The following ANKAR variants were observed in gnomAD, a reference collection of about 807,000 sequenced individuals.
The protein encoded by ANKAR is ankyrin and armadillo repeat-containing protein.
In ANKAR, 136 loss-of-function variants were observed where a neutral mutation model predicts 146.2. The observed-to-expected ratio is 0.93, with a 90% CI of 0.81 to 1.07. The LOEUF is 1.07. Ranked by LOEUF, ANKAR falls within the 50% of genes least tolerant of loss-of-function variation. The pLI, the probability that ANKAR is intolerant of heterozygous loss-of-function variation, is 0.00. For synonymous variants in ANKAR, 500 were observed against 575.8 expected, an observed-to-expected ratio of 0.87 and a Z score of 1.88; for missense variants, 1,567 against 1,679.9, an observed-to-expected ratio of 0.93 and a Z score of 1.18.
chr2:189,735,032 T>C (rs2042724608), intron 17 of ANKAR, among the ~76,000 whole-genome samples: 1 of 150,648 alleles, frequency 6.6e-6, no homozygotes, highest in Non-Finnish European at 1.5e-5. Flanking sequence ...AAAATATATA[T>C]ATATGTGGAA....
intron 18 of ANKAR, chr2:189,752,906 C>T (rs1338734284): frequency 6.2e-7 from 1 of 1,613,732 alleles, no homozygotes; most frequent in African/African-American, 1.3e-5. Context: ...CAACAAAGTG[C>T]ACTGTGTTGC....
downstream of ANKAR, chr2:189,762,587 C>G: frequency 1.0e-6 from 1 of 985,460 alleles, no homozygotes; most frequent in Non-Finnish European, 1.2e-6. Context: ...TAGCGCTGGT[C>G]TCCTGTCGGC....
chr2:189,746,509 T>C lies in ANKAR; in HGVS notation c.4187T>C (p.Phe1396Ser). ...AAGACCAAGGATTCCCATAATATTT[T>C]TTCTTTTTCATCTACAATTACATCA... is the stretch of plus-strand genomic sequence containing the variant. ...TKKTKDSHNI[F>S]SFSSTITSDI... Residue 1396 changes from phenylalanine to serine, a missense_variant, in exon 23 of 23, where the codon TTT becomes TCT. Coordinates refer to ENST00000684021, the MANE Select transcript of ANKAR (RefSeq NM_001378068.1). 1 of 1,613,974 alleles carries C rather than the reference T, an allele frequency of 6.2e-7. No homozygotes were observed. Among genetic ancestry groups the C allele is most frequent in the Non-Finnish European group, 8.5e-7 (1 of 1,179,930 alleles).
chr2:189,693,169 T>A lies in ANKAR; in HGVS notation c.1299T>A (p.His433Gln), dbSNP rs1220372394. 6.5e-7 allele frequency: 1 copy of A among 1,549,200 alleles called. No individual in the cohort carries two copies. The highest frequency in any genetic ancestry group is 8.8e-7 in the Non-Finnish European group (1 of 1,138,282). ...EYYSIPVMEF[H>Q]GKSYYVIYFE... ...ACTCAATACCAGTCATGGAATTTCA[T>A]GGAAAAAGGTACGGAGCTTTCACTA... The change falls in exon 5 of 23, where the codon CAT (histidine) becomes CAA (glutamine). Residue 433 changes from histidine (H) to glutamine (Q), a missense_variant. Physicochemically the swap from His to Gln is conservative, Grantham distance 24 (BLOSUM62 0). Coordinates refer to ENST00000684021, the MANE Select transcript of ANKAR (RefSeq NM_001378068.1).
rs2036608698 is a variant in ANKAR, at chr2:189,692,716, T to C, written c.1203+298T>C. ...TGTCCCAGAACAGGTAACCAAAGAG[T>C]GCAGTAGAAATCTCTGGACACTCAG... On this transcript the variant is annotated intron_variant, in intron 4 of 22. Coordinates refer to ENST00000684021, the MANE Select transcript of ANKAR (RefSeq NM_001378068.1). The C allele has an allele frequency of 3.6e-5, 10 of 277,984 alleles. No homozygotes were observed. The South Asian group carries it at 7.1e-4, about 20-fold the overall frequency. The allele number at this position is 277,984 out of a possible 1,614,324, so 17.2% of individuals were successfully genotyped here. A position where few individuals can be genotyped will look rare whatever the true frequency, so the allele number is the denominator to read the frequency against.
At chr2:189,716,332 A>G (rs1318516161) in intron 10 of ANKAR, among the ~76,000 whole-genome samples, 2 of 152,230 alleles carry the variant, frequency 1.3e-5, no homozygotes, top group African/African-American at 4.8e-5. Flanking sequence ...GTGAACTCCC[A>G]TTCACAATTG....
At chr2:189,712,911 G>C (rs2039902670) in intron 10 of ANKAR, among the ~76,000 whole-genome samples, 1 of 152,148 alleles carries the variant, frequency 6.6e-6, no homozygotes, top group Non-Finnish European at 1.5e-5. Context: ...AGAATAAACA[G>C]TGTAGAGAAG....
intron 17 of ANKAR, among the ~76,000 whole-genome samples, chr2:189,736,174 T>C (rs2042815730): frequency 6.6e-6 from 1 of 152,196 alleles, no homozygotes; most frequent in African/African-American, 2.4e-5. Flanking sequence ...AGTCAAACTA[T>C]GGGATTCATT....
At chr2:189,692,607 G>A (rs1464114574) in intron 4 of ANKAR, 189 bp downstream of exon 4, 3 of 486,340 alleles carry the variant, frequency 6.2e-6, no homozygotes, top group South Asian at 3.2e-5. Context: ...AAGGTACTGT[G>A]TTGGATATCT....
intron 18 of ANKAR, chr2:189,753,887 C>T (rs754720023): frequency 1.2e-6 from 2 of 1,608,208 alleles, no homozygotes; most frequent in South Asian, 2.2e-5. Flanking sequence ...CAAAGTGTAA[C>T]TATTACTATA....
intron 22 of ANKAR, among the ~76,000 whole-genome samples, 158 bp from the exon 23 acceptor site, chr2:189,746,222 C>A (rs1315025135): frequency 6.6e-6 from 1 of 152,166 alleles, no homozygotes; most frequent in Non-Finnish European, 1.5e-5. Flanking sequence ...GTGGTCCCCA[C>A]AAATTTTTGG....
At chr2:189,692,527 A>AT in intron 4 of ANKAR, 109 bp downstream of exon 4, 2 of 928,350 alleles carry the variant, frequency 2.2e-6, no homozygotes, top group Non-Finnish European at 3.2e-6. Context: ...TCTCCAAATG[A>AT]TTATTCTCAC....
intron 20 of ANKAR, among the ~76,000 whole-genome samples, chr2:189,742,207 T>C (rs1227742410): frequency 6.6e-6 from 1 of 152,168 alleles, no homozygotes; most frequent in Non-Finnish European, 1.5e-5. Context: ...AGCCAATACA[T>C]TTGAGGTGGG....
intron 2 of ANKAR, among the ~76,000 whole-genome samples, chr2:189,681,230 T>A (rs1353373392): frequency 6.6e-6 from 1 of 152,218 alleles, no homozygotes; most frequent in African/African-American, 2.4e-5. Context: ...TATTGATTAA[T>A]CATCCACATG....
chr2:189,718,630 A>G (rs1167251786), intron 10 of ANKAR, among the ~76,000 whole-genome samples: 4 of 152,112 alleles, frequency 2.6e-5, no homozygotes, highest in Non-Finnish European at 5.9e-5. Flanking sequence ...TAAGGTCTTT[A>G]TTATATCTAT....
chr2:189,735,506 T>C (rs558019069), intron 17 of ANKAR, among the ~76,000 whole-genome samples: 3 of 152,278 alleles, frequency 2.0e-5, no homozygotes, highest in East Asian at 1.9e-4. Context: ...ATTAAACCTA[T>C]AGTGGGAGAC....
Position 189,743,383 on chromosome 2 carries a change from AAAAATAATATCAGCAG to A in ANKAR, c.3921_3936del (p.Asn1308MetfsTer9). On this transcript the variant is annotated frameshift_variant, in exon 21 of 23. Coordinates refer to ENST00000684021, the MANE Select transcript of ANKAR (RefSeq NM_001378068.1). LOFTEE classifies it high-confidence loss of function. The stretch of plus-strand genomic sequence containing the variant: ...TAAACCTAATCAGTTCATTCGTATA[AAAAATAATATCAGCAG>A]AGATGCAAGTATTAACCCAGCATTT... The A allele has an allele frequency of 6.2e-7, 1 of 1,614,012 alleles. No individual in the cohort carries two copies. Among genetic ancestry groups the A allele is most frequent in the Non-Finnish European group, 8.5e-7 (1 of 1,179,922 alleles).
chr2:189,677,900 C>CATGT (rs2034001409), intron 2 of ANKAR, among the ~76,000 whole-genome samples: 2 of 152,160 alleles, frequency 1.3e-5, no homozygotes, highest in Non-Finnish European at 2.9e-5. Context: ...TATAAACATG[C>CATGT]ATGTGCAAGT....
At position 189,676,489 on chromosome 2, in the gene ANKAR, A is replaced by C; in HGVS notation, c.-2A>C. 6.5e-7 allele frequency: 1 copy of C among 1,533,174 alleles called. No individual in the cohort carries two copies. Among genetic ancestry groups the C allele is most frequent in the Non-Finnish European group, 8.8e-7 (1 of 1,142,448 alleles). 95.0% of individuals were successfully genotyped at this position (1,533,174 alleles called of 1,614,324 possible). A position where few individuals can be genotyped will look rare whatever the true frequency, so the allele number is the denominator to read the frequency against. ...AAAAGGACACACTAGATTTAATTAG[A>C]AATGTTAAGATTGCCCAAAAAAGGA... On this transcript the variant is annotated 5_prime_UTR_variant, in exon 2 of 23. Transcript: ENST00000684021.
Sources: gnomAD v4.1 joint callset for allele counts (sites outside exome capture counted in the v4.1 genomes callset) on GRCh38, gnomAD v4.1.1 for gene constraint, MANE v1.5 for transcripts, NCBI Gene and HGNC (gene_info 2026-07-23, HGNC 2026-07-21) for gene names.